PPL: variants seen among roughly 807,000 people sequenced by gnomAD.
PPL encodes 190 kDa paraneoplastic pemphigus antigen.
A neutral mutation model predicts 194.4 loss-of-function variants in PPL; 198 were observed. That is an observed-to-expected ratio of 1.02 (90% CI 0.91 to 1.15). The LOEUF is 1.15. Ranked by LOEUF, PPL falls within the 50% of genes most tolerant of loss-of-function variation. The pLI, the probability that PPL is intolerant of heterozygous loss-of-function variation, is 0.00. For synonymous variants in PPL, 1,220 were observed against 972.4 expected, an observed-to-expected ratio of 1.25 and a Z score of -4.74; for missense variants, 2,885 against 2,294.8, an observed-to-expected ratio of 1.26 and a Z score of -5.25.
chr16:4,936,928 C>T, intron 1 of PPL, 56 bp downstream of exon 1: 2 of 1,529,940 alleles, frequency 1.3e-6, no homozygotes, highest in African/African-American at 1.4e-5. Flanking sequence ...CTTCCAGGTC[C>T]TGTGCGCCCA....
At chr16:4,935,670 G>T (rs1447144204) in intron 1 of PPL, among the ~76,000 whole-genome samples, 1 of 152,194 alleles carries the variant, frequency 6.6e-6, no homozygotes, top group Admixed American at 6.5e-5. Flanking sequence ...AGGGCAGGGG[G>T]GTTTCTGAAA....
intron 11 of PPL, among the ~76,000 whole-genome samples, chr16:4,895,035 G>C (rs1458893772): frequency 6.6e-6 from 1 of 152,206 alleles, no homozygotes; most frequent in Non-Finnish European, 1.5e-5. Flanking sequence ...TGGGACTTCT[G>C]AGGAGGGACT....
At chr16:4,904,184 C>G in intron 2 of PPL, 144 bp from the exon 3 acceptor site, 2 of 859,406 alleles carry the variant, frequency 2.3e-6, no homozygotes, top group Non-Finnish European at 3.5e-6. Flanking sequence ...CCATATGGAG[C>G]GCAGTCGGTA....
At chr16:4,928,954 A>G (rs1482718114) in intron 1 of PPL, among the ~76,000 whole-genome samples, 1 of 134,598 alleles carries the variant, frequency 7.4e-6, no homozygotes, top group Non-Finnish European at 1.5e-5. Flanking sequence ...GAGAGGTTGC[A>G]GTGAGCTGAG....
At chr16:4,906,564 T>G (rs1024309588) in intron 2 of PPL, among the ~76,000 whole-genome samples, 1 of 152,226 alleles carries the variant, frequency 6.6e-6, no homozygotes, top group Non-Finnish European at 1.5e-5. Context: ...TATCACCAGC[T>G]TCCCTGAGCT....
At chr16:4,888,872 G>C in intron 19 of PPL, 106 bp downstream of exon 19, 1 of 1,136,574 alleles carries the variant, frequency 8.8e-7, no homozygotes. Flanking sequence ...CGGATGGCCA[G>C]CTCCACCCCC....
intron 1 of PPL, among the ~76,000 whole-genome samples, chr16:4,925,169 C>T (rs758502182): frequency 6.6e-6 from 1 of 152,196 alleles, no homozygotes; most frequent in Non-Finnish European, 1.5e-5. Flanking sequence ...CTCACCTGTC[C>T]CAGAGCCCAG....
At chr16:4,921,281 C>T (rs903147830) in intron 1 of PPL, among the ~76,000 whole-genome samples, 1 of 152,178 alleles carries the variant, frequency 6.6e-6, no homozygotes, top group Non-Finnish European at 1.5e-5. Context: ...GAGGGTACTC[C>T]CAGGGACCAG....
intron 1 of PPL, among the ~76,000 whole-genome samples, chr16:4,921,438 A>G (rs1335899842): frequency 1.3e-5 from 2 of 152,168 alleles, no homozygotes; most frequent in African/African-American, 4.8e-5. Flanking sequence ...TGTCGCCAGG[A>G]GTCAGAGCCT....
At chr16:4,933,391 T>C (rs978491242) in intron 1 of PPL, among the ~76,000 whole-genome samples, 13 of 152,088 alleles carry the variant, frequency 8.5e-5, no homozygotes, top group African/African-American at 2.9e-4. Flanking sequence ...GCAAGATTAA[T>C]CCCATTCAAC....
chr16:4,895,776 T>A lies in PPL; in HGVS notation c.973-60A>T, dbSNP rs997273338. Reference sequence around the variant, plus strand: ...ACCACTAGAAGCACCTGGGCTTCTGTCGGAGGCTTCAAGCTCATCCCTCAG... The same window carrying A: ...ACCACTAGAAGCACCTGGGCTTCTGACGGAGGCTTCAAGCTCATCCCTCAG... On this transcript the variant is annotated intron_variant, in intron 9 of 21. Transcript: ENST00000345988. 1.5e-5 allele frequency: 24 copies of A among 1,608,838 alleles called. No homozygotes were observed. In the African/African-American group the frequency reaches 3.2e-4, roughly 22 times the overall value.
intron 2 of PPL, 22 bp from the exon 3 acceptor site, chr16:4,904,062 G>C (rs1287211982): frequency 2.5e-6 from 4 of 1,606,740 alleles, no homozygotes; most frequent in Non-Finnish European, 3.4e-6. Flanking sequence ...ACAAGAGAGG[G>C]GACAATGAAC....
At chr16:4,890,121 C>T (rs1412707101) in intron 18 of PPL, 63 bp downstream of exon 18, 2 of 1,611,172 alleles carry the variant, frequency 1.2e-6, no homozygotes, top group African/African-American at 1.3e-5. Context: ...CAGAAAGGGG[C>T]TTGTTGACCT....
At chr16:4,891,012 G>T in intron 16 of PPL, 91 bp from the exon 17 acceptor site, 2 of 1,199,612 alleles carry the variant, frequency 1.7e-6, no homozygotes, top group Non-Finnish European at 2.3e-6. Flanking sequence ...GCCACTGACT[G>T]TAGGAGGGTG....
At chr16:4,919,542 G>A (rs1156682916) in intron 1 of PPL, among the ~76,000 whole-genome samples, 1 of 152,084 alleles carries the variant, frequency 6.6e-6, no homozygotes, top group Non-Finnish European at 1.5e-5. Flanking sequence ...AGGATTACAG[G>A]TATGAGCCAC....
intron 8 of PPL, among the ~76,000 whole-genome samples, chr16:4,898,331 T>G (rs1436064884): frequency 6.6e-6 from 1 of 152,084 alleles, no homozygotes; most frequent in Non-Finnish European, 1.5e-5. Flanking sequence ...TGAGCCAAGA[T>G]TACACCATCG....
At position 4,883,650 on chromosome 16, in the gene PPL, G is replaced by A. The variant is rs749086865; in HGVS notation, c.5005C>T (p.Leu1669=). ...VVIHPDTGRE[L]SPEEAHRAGL... ...GCACGGTGGGCTTCCTCCGGGGACAGCTCGCGGCCTGTGTCAGGGTGGATG... is the reference window on the plus strand; with the variant it reads ...GCACGGTGGGCTTCCTCCGGGGACAACTCGCGGCCTGTGTCAGGGTGGATG... The change falls in exon 22 of 22, where the codon CTG becomes TTG. Residue 1669 remains leucine (L), a synonymous_variant. Coordinates refer to ENST00000345988, the MANE Select transcript of PPL (RefSeq NM_002705.5). This position sits in a 1 kb window ranked among gnomAD's most constrained non-coding sequence, Gnocchi z 4.8. The A allele has an allele frequency of 1.9e-6, 3 of 1,614,170 alleles. No homozygotes were observed. The highest frequency in any genetic ancestry group is 2.5e-6 in the Non-Finnish European group (3 of 1,180,024).
intron 2 of PPL, among the ~76,000 whole-genome samples, chr16:4,907,245 G>C (rs2088706485): frequency 6.6e-6 from 1 of 151,874 alleles, no homozygotes; most frequent in Admixed American, 6.6e-5. Flanking sequence ...CTGGGTGACA[G>C]AGCAAGACCC....
In PPL at chr16:4,885,357, T is replaced by G; in HGVS notation, c.3298A>C (p.Arg1100=). 1.2e-6 allele frequency: 2 copies of G among 1,612,876 alleles called. No individual in the cohort carries two copies. Among genetic ancestry groups the G allele is most frequent in the Non-Finnish European group, 1.7e-6 (2 of 1,179,960 alleles). ...GCCATGGCCCGCTCCTTCTCTAGCC[T>G]CTTGAGCTTGTCCTGGAGGAAGCTC... ...ELSFLQDKLK[R]LEKERAMAEG... Residue 1100 remains arginine (R), a synonymous_variant, in exon 22 of 22, where the codon AGG becomes CGG. Transcript: ENST00000345988. This position sits in a 1 kb window ranked among gnomAD's most constrained non-coding sequence, Gnocchi z 6.3.
Sources: allele counts gnomAD v4.1 joint callset (sites outside exome capture counted in the v4.1 genomes callset), GRCh38; gene constraint gnomAD v4.1.1; non-coding constraint Gnocchi (gnomAD v3.1); transcripts MANE v1.5; gene names NCBI Gene and HGNC (gene_info 2026-07-23, HGNC 2026-07-21).